Variants in TGFA observed in about 807,000 individuals in gnomAD.
The protein encoded by TGFA is transforming growth factor alpha, also known as protransforming growth factor alpha.
In TGFA, 12 loss-of-function variants were observed where a neutral mutation model predicts 21.7. That is an observed-to-expected ratio of 0.55 (90% confidence interval 0.35 to 0.90). The LOEUF (loss-of-function observed/expected upper bound fraction) is 0.90, where lower values mean the gene tolerates loss of function less well. TGFA is among the 40% of genes least tolerant of loss of function. The pLI, the probability that TGFA is intolerant of heterozygous loss-of-function variation, is 0.01. For synonymous variants in TGFA, 79 were observed against 88.1 expected, an observed-to-expected ratio of 0.90 and a Z score of 0.58; for missense variants, 178 against 210.8, an observed-to-expected ratio of 0.84 and a Z score of 0.96.
chr2:70,514,711 C>G (rs893173226), intron 2 of TGFA, 148 bp downstream of exon 2: 5 of 853,150 alleles, frequency 5.9e-6, no homozygotes, highest in African/African-American at 5.0e-5. Flanking sequence ...AGCGCCTCCT[C>G]GCCCCTGAGG....
chr2:70,542,196 T>C (rs3771475), intron 1 of TGFA, among the ~76,000 whole-genome samples: 18,401 of 152,140 alleles, frequency 0.12, 1,491 homozygotes, highest in South Asian at 0.29. Flanking sequence ...TGCTAAGAAC[T>C]GGGAGAGGGA....
intron 1 of TGFA, among the ~76,000 whole-genome samples, chr2:70,547,862 T>TATATATAGAGATATATATATCTATATAG (rs1559147287): frequency 6.8e-6 from 1 of 147,564 alleles, no homozygotes; most frequent in Admixed American, 6.8e-5. Flanking sequence ...TATCTATATA[T>TATATATAGAGATATATATATCTATATAG]AGAGAGATAT....
chr2:70,459,045 A>T (rs1213139274), intron 3 of TGFA, among the ~76,000 whole-genome samples: 1 of 152,186 alleles, frequency 6.6e-6, no homozygotes, highest in Non-Finnish European at 1.5e-5. Flanking sequence ...AAGGTACCAT[A>T]ATGAGGATTT....
At chr2:70,490,440 C>G (rs1004635896) in intron 2 of TGFA, among the ~76,000 whole-genome samples, 1 of 152,184 alleles carries the variant, frequency 6.6e-6, no homozygotes, top group Admixed American at 6.5e-5. Flanking sequence ...CACAATTTTC[C>G]TTTAGCACTG....
Position 70,550,006 on chromosome 2 carries a change from C to G in TGFA, c.40+3722G>C, listed in dbSNP as rs529401303. ...TGTGTCCTAGGAAAACCTCCACTGT[C>G]TACTCTGAAAGACATCACGTCCAGG... On this transcript the variant is annotated intron_variant, in intron 1 of 5. Transcript: ENST00000295400. Among the ~76,000 whole-genome samples the G allele has an allele frequency of 2.3e-4, 35 of 152,358 alleles. 1 individual carries two copies. In the Middle Eastern group the frequency reaches 0.014, roughly 59 times the overall value.
chr2:70,497,571 TTC>T (rs1553498524), intron 2 of TGFA, among the ~76,000 whole-genome samples: 1 of 152,232 alleles, frequency 6.6e-6, no homozygotes, highest in Non-Finnish European at 1.5e-5. Context: ...CTTGAGCATC[TTC>T]TCCTTTGGGC....
At chr2:70,467,523 C>T (rs1670605165) in intron 2 of TGFA, 1 of 152,162 alleles carries the variant, frequency 6.6e-6, no homozygotes, top group Admixed American at 6.5e-5. Flanking sequence ...CCATTTTGTC[C>T]AAAGTAAATT....
chr2:70,546,653 CT>C (rs113889951), intron 1 of TGFA, among the ~76,000 whole-genome samples: 18,239 of 148,800 alleles, frequency 0.12, 1,198 homozygotes, highest in Middle Eastern at 0.18. Context: ...TTTCTTTTTT[CT>C]TTTTTTTTTG....
chr2:70,504,475 T>TACACAC (rs1157231918), intron 2 of TGFA, among the ~76,000 whole-genome samples: 43 of 83,844 alleles, frequency 5.1e-4, no homozygotes, highest in African/African-American at 2.0e-3. Flanking sequence ...CACACATACA[T>TACACAC]ACATACATAC....
intron 2 of TGFA, among the ~76,000 whole-genome samples, chr2:70,495,364 A>G (rs1363935932): frequency 6.6e-6 from 1 of 152,230 alleles, no homozygotes; most frequent in Non-Finnish European, 1.5e-5. Context: ...AAATCCCTCC[A>G]CATTTTACAT....
chr2:70,449,505 C>G lies in TGFA; in HGVS notation c.*1354G>C, dbSNP rs145323521. On this transcript the variant is annotated 3_prime_UTR_variant, in exon 6 of 6. Transcript: ENST00000295400. ...ACCCACTGTTTCTCACAGGCAGGCC[C>G]CATGGGTCAGATGGACCCAGATGCT... 194 of 176,152 alleles carry G rather than the reference C, an allele frequency of 1.1e-3. 1 individual carries two copies. In the East Asian group the frequency reaches 0.027, roughly 25 times the overall value. 10.9% of individuals were successfully genotyped at this position (176,152 alleles called of 1,614,324 possible).
intron 2 of TGFA, among the ~76,000 whole-genome samples, chr2:70,505,093 G>A (rs1553499952): frequency 1.3e-5 from 2 of 152,200 alleles, no homozygotes; most frequent in African/African-American, 2.4e-5. Flanking sequence ...ATATTATTAT[G>A]TAAATTCTAT....
chr2:70,522,864 T>TA (rs1672515641), intron 1 of TGFA, among the ~76,000 whole-genome samples: 1 of 152,188 alleles, frequency 6.6e-6, no homozygotes, highest in African/African-American at 2.4e-5. Context: ...GCTGCACCAT[T>TA]AGCGGGACAT....
intron 1 of TGFA, among the ~76,000 whole-genome samples, chr2:70,552,398 G>A (rs1553506943): frequency 6.6e-6 from 1 of 152,192 alleles, no homozygotes; most frequent in African/African-American, 2.4e-5. Context: ...TATCCAGGAA[G>A]CTTCCCTTGT....
In TGFA at chr2:70,551,517, A is replaced by G. The variant is rs144542810; in HGVS notation, c.40+2211T>C. ...TCGGGTAGCGATGGAACACTGGTTGATTCTCCTGGAACTGCCTTCAACTAT... is the reference window on the plus strand; with the variant it reads ...TCGGGTAGCGATGGAACACTGGTTGGTTCTCCTGGAACTGCCTTCAACTAT... On this transcript the variant is annotated intron_variant, in intron 1 of 5. Coordinates refer to ENST00000295400, the MANE Select transcript of TGFA (RefSeq NM_003236.4). Among the ~76,000 whole-genome samples the G allele has an allele frequency of 7.9e-3, 1,205 of 152,302 alleles. 13 individuals carry two copies. Among genetic ancestry groups the G allele is most frequent in the African/African-American group, 0.027 (1,108 of 41,544 alleles).
At chr2:70,478,900 A>T (rs1351829680) in intron 2 of TGFA, among the ~76,000 whole-genome samples, 4 of 152,156 alleles carry the variant, frequency 2.6e-5, no homozygotes, top group East Asian at 1.9e-4. Flanking sequence ...TTACATTTTA[A>T]AAAAATTTAG....
chr2:70,519,022 G>A (rs1339348571), intron 1 of TGFA, among the ~76,000 whole-genome samples: 16 of 152,316 alleles, frequency 1.1e-4, no homozygotes, highest in African/African-American at 3.6e-4. Flanking sequence ...GGCTGCAGCA[G>A]GTCCTTTTGG....
intron 1 of TGFA, among the ~76,000 whole-genome samples, chr2:70,548,343 G>A (rs1553506324): frequency 6.6e-6 from 1 of 152,182 alleles, no homozygotes; most frequent in Admixed American, 6.5e-5. Flanking sequence ...GAGAGGTTAA[G>A]CACCAATCAA....
chr2:70,544,375 A>G (rs1673228022), intron 1 of TGFA, among the ~76,000 whole-genome samples: 2 of 151,918 alleles, frequency 1.3e-5, no homozygotes, highest in African/African-American at 4.8e-5. Context: ...AAGGAGGCAA[A>G]GTTATTATTA....
Sources: gnomAD v4.1 joint callset for allele counts (sites outside exome capture counted in the v4.1 genomes callset) on GRCh38, gnomAD v4.1.1 for gene constraint, MANE v1.5 for transcripts, NCBI Gene and HGNC (gene_info 2026-07-23, HGNC 2026-07-21) for gene names.